Variants in ZNF541 observed in about 807,000 individuals in gnomAD.
ZNF541 encodes zinc finger protein 541.
In ZNF541, 23 loss-of-function variants were observed where a neutral mutation model predicts 123.5. That is an observed-to-expected ratio of 0.19 (90% CI 0.13 to 0.26). The LOEUF (loss-of-function observed/expected upper bound fraction) is 0.26. Among genes scored for constraint, ZNF541 ranks in the 10% least tolerant of loss-of-function variants. The pLI, the probability that ZNF541 is intolerant of heterozygous loss-of-function variation, is 1.00. For missense variants in ZNF541, 1,612 were observed against 1,789.9 expected, an observed-to-expected ratio of 0.90 and a Z score of 1.79; for synonymous variants, 751 against 754.5, an observed-to-expected ratio of 1.00 and a Z score of 0.08.
chr19:47,549,040 C>T (rs1447500154), intron 4 of ZNF541, among the ~76,000 whole-genome samples: 3 of 147,882 alleles, frequency 2.0e-5, no homozygotes, highest in African/African-American at 7.4e-5. Flanking sequence ...GATCATGCCA[C>T]TACACTCCAG....
intron 9 of ZNF541, among the ~76,000 whole-genome samples, chr19:47,534,974 C>CTT (rs937995970): frequency 2.8e-5 from 4 of 144,508 alleles, no homozygotes; most frequent in East Asian, 2.0e-4. Flanking sequence ...TTACAAAGCT[C>CTT]TTTTTTTTTT....
chr19:47,529,674 G>C (rs1451817562), intron 12 of ZNF541, 22 bp from the exon 13 acceptor site: 1 of 1,550,682 alleles, frequency 6.4e-7, no homozygotes, highest in Non-Finnish European at 8.7e-7. Context: ...GGAGCGACAG[G>C]CTGCCCAGGA....
At position 47,539,700 on chromosome 19, in the gene ZNF541, C is replaced by T. The variant is rs1969991923; in HGVS notation, c.2796+5G>A. On this transcript the variant is annotated splice_donor_5th_base_variant and intron_variant, in intron 8 of 16. Coordinates refer to ENST00000391901, the MANE Select transcript of ZNF541 (RefSeq NM_001277075.3). ...CAGGAAGGAGGCAGGCCGACAAGCA[C>T]CCACCATGGCCATGCTCCCTATGTG... 1.0e-5 allele frequency: 14 copies of T among 1,394,594 alleles called. No individual in the cohort carries two copies. In the Middle Eastern group the frequency reaches 2.2e-3, roughly 223 times the overall value. The allele number at this position is 1,394,594 out of a possible 1,614,324, so 86.4% of individuals were successfully genotyped here.
At chr19:47,555,369 CAAA>C (rs367574327) in intron 3 of ZNF541, among the ~76,000 whole-genome samples, 178 bp downstream of exon 3, 4 of 63,246 alleles carry the variant, frequency 6.3e-5, no homozygotes, top group African/African-American at 5.9e-5. Flanking sequence ...GACTCCATCT[CAAA>C]AAAAAAAAAA....
At position 47,540,923 on chromosome 19, in the gene ZNF541, G is replaced by A. The variant is rs1049986911; in HGVS notation, c.2432C>T (p.Pro811Leu). 5.8e-6 allele frequency: 9 copies of A among 1,550,970 alleles called. No individual in the cohort carries two copies. Among genetic ancestry groups the A allele is most frequent in the African/African-American group, 2.7e-5 (2 of 73,018 alleles). ...GCCTGCCACATTCTCTTCCTTCACCGGATGGGGGAGCCTGTAGATGTTTCC... is the reference window on the plus strand; with the variant it reads ...GCCTGCCACATTCTCTTCCTTCACCAGATGGGGGAGCCTGTAGATGTTTCC... ...QGGNIYRLPH[P>L]VKEENVAGRG... is the part of the protein sequence containing the mutation. Residue 811 changes from proline (P) to leucine (L), a missense_variant, in exon 6 of 17, where the codon CCG (proline) becomes CTG (leucine). Around this residue, in one of 5 missense-constraint regions of ZNF541, gnomAD observed 1,080 missense variants for 1,013.8 expected, o/e 1.07. Coordinates refer to ENST00000391901, the MANE Select transcript of ZNF541 (RefSeq NM_001277075.3).
chr19:47,548,034 GTC>G (rs1970428763), intron 4 of ZNF541, among the ~76,000 whole-genome samples: 1 of 107,788 alleles, frequency 9.3e-6, no homozygotes, highest in African/African-American at 3.7e-5. Flanking sequence ...GAGCAAGACT[GTC>G]CAAAAAAAAA....
intron 3 of ZNF541, among the ~76,000 whole-genome samples, chr19:47,553,089 C>T (rs1361694987): frequency 6.6e-6 from 1 of 151,648 alleles, no homozygotes; most frequent in African/African-American, 2.4e-5. Context: ...AACCTGGTGA[C>T]AGAGAAAGAC....
chr19:47,549,249 G>A lies in ZNF541; in HGVS notation c.544C>T (p.His182Tyr). 6.4e-7 allele frequency: 1 copy of A among 1,552,040 alleles called. No individual in the cohort carries two copies. The highest frequency in any genetic ancestry group is 8.7e-7 in the Non-Finnish European group (1 of 1,147,082). The part of the protein sequence containing the change: ...ICSKAFKRQD[H>Y]LTGHMLTHQK... Reference sequence around the variant, plus strand: ...TCTGACCAGACTCCCACATACAGGTGGTCCTGGCGCTTAAAGGCCTTGCTG... The same window carrying A: ...TCTGACCAGACTCCCACATACAGGTAGTCCTGGCGCTTAAAGGCCTTGCTG... The change falls in exon 4 of 17, where the codon CAC (histidine) becomes TAC (tyrosine). Residue 182 changes from histidine to tyrosine, a missense_variant. By Grantham distance (83) the His-to-Tyr change is moderately conservative (BLOSUM62 2). This residue lies in a region of ZNF541 where 212 missense variants were observed against 289.6 expected (regional missense o/e 0.73). Transcript: ENST00000391901.
chr19:47,554,420 G>T (rs936521867), intron 3 of ZNF541, among the ~76,000 whole-genome samples: 14 of 152,140 alleles, frequency 9.2e-5, no homozygotes, highest in African/African-American at 3.1e-4. Flanking sequence ...GACAGAGCGA[G>T]ACTCCGTCTC....
At chr19:47,523,561 G>C (rs991032031) in intron 14 of ZNF541, among the ~76,000 whole-genome samples, 1 of 152,126 alleles carries the variant, frequency 6.6e-6, no homozygotes, top group Admixed American at 6.6e-5. Flanking sequence ...TTCTGAACAA[G>C]ATGGAGCAAC....
Position 47,549,394 on chromosome 19 carries a change from A to G in ZNF541, c.399T>C (p.Ser133=), listed in dbSNP as rs1415797563. The G allele has an allele frequency of 3.9e-6, 6 of 1,551,646 alleles. No individual in the cohort carries two copies. Among genetic ancestry groups the G allele is most frequent in the Non-Finnish European group, 5.2e-6 (6 of 1,147,000 alleles). Residue 133 remains serine (S), a synonymous_variant, in exon 4 of 17, where the codon AGT becomes AGC. Transcript: ENST00000391901. ...GSARKGKRQH[S]SPQNPLLDCS... ...AGTCCAGAAGTGGGTTTTGAGGGGA[A>G]CTGTGCTGCCGCTTTCCTTTCCTGG...
At chr19:47,564,542 T>C (rs1971188716) in intron 2 of ZNF541, among the ~76,000 whole-genome samples, 1 of 152,216 alleles carries the variant, frequency 6.6e-6, no homozygotes, top group Non-Finnish European at 1.5e-5. Context: ...TTTATCATTT[T>C]GTGTTTTCAT....
intron 9 of ZNF541, among the ~76,000 whole-genome samples, chr19:47,537,702 C>CCCAT (rs1969887233): frequency 1.3e-5 from 2 of 151,762 alleles, no homozygotes; most frequent in South Asian, 4.2e-4. Flanking sequence ...ATAGCAAGAC[C>CCCAT]CCATCTCTAA....
chr19:47,548,552 C>A (rs1293411213), intron 4 of ZNF541, among the ~76,000 whole-genome samples: 1 of 151,916 alleles, frequency 6.6e-6, no homozygotes. Flanking sequence ...TCCCAAAACA[C>A]AGAGAACACA....
Position 47,545,677 on chromosome 19 carries a change from G to T in ZNF541, c.852C>A (p.His284Gln). Residue 284 changes from histidine (H) to glutamine (Q), a missense_variant, in exon 5 of 17, where the codon CAC (histidine) becomes CAA (glutamine). Physicochemically the swap from His to Gln is conservative, Grantham distance 24. Transcript: ENST00000391901. This position sits in a 1 kb window ranked among gnomAD's most constrained non-coding sequence, Gnocchi z 7.5. Reference protein sequence around the residue: ...LLRRIVSSIVHQKTPSPGPAP... With the variant: ...LLRRIVSSIVQQKTPSPGPAP... ...CTGGGCCAGGAGAAGGGGTCTTCTG[G>T]TGGACGATGCTACTCACGATGCGGC... 1.9e-6 allele frequency: 3 copies of T among 1,548,896 alleles called. No homozygotes were observed. The highest frequency in any genetic ancestry group is 4.9e-5 in the East Asian group (2 of 40,902).
chr19:47,540,998 C>A, intron 5 of ZNF541, 47 bp from the exon 6 acceptor site: 1 of 1,516,896 alleles, frequency 6.6e-7, no homozygotes, highest in Non-Finnish European at 8.9e-7. Flanking sequence ...AATGAAGAGG[C>A]AAGAAGAGCT....
At chr19:47,533,739 A>G (rs1969690800) in intron 9 of ZNF541, among the ~76,000 whole-genome samples, 1 of 152,122 alleles carries the variant, frequency 6.6e-6, no homozygotes, top group Admixed American at 6.6e-5. Context: ...GCTACTTGGG[A>G]GGCTGAGGCA....
chr19:47,525,955 C>G (rs894928553), intron 14 of ZNF541, among the ~76,000 whole-genome samples: 1 of 131,294 alleles, frequency 7.6e-6, no homozygotes, highest in Non-Finnish European at 1.7e-5. Context: ...CTAGAGAAAA[C>G]AAGGGGAAAA....
chr19:47,566,176 C>CA (rs897081595), intron 2 of ZNF541, among the ~76,000 whole-genome samples: 10 of 147,886 alleles, frequency 6.8e-5, no homozygotes, highest in African/African-American at 7.5e-5. Context: ...GACTCCATCT[C>CA]AAAAAAAAAT....
Sources: allele counts gnomAD v4.1 joint callset (sites outside exome capture counted in the v4.1 genomes callset), GRCh38; gene constraint gnomAD v4.1.1; regional missense constraint gnomAD v4.1.1; non-coding constraint Gnocchi (gnomAD v3.1); transcripts MANE v1.5; gene names NCBI Gene and HGNC (gene_info 2026-07-23, HGNC 2026-07-21).